Variants in HLF observed in about 807,000 individuals in gnomAD.
HLF encodes the protein HLF transcription factor, PAR bZIP family member.
A neutral mutation model predicts 22.6 loss-of-function variants in HLF; 3 were observed. The observed-to-expected ratio is 0.13, with a 90% CI of 0.06 to 0.34. The LOEUF is 0.34. HLF is among the 10% of genes least tolerant of loss of function. The pLI is 1.00. For missense variants in HLF, 299 were observed against 389.2 expected (o/e 0.77, Z 1.95); for synonymous variants, 151 against 151.8 (o/e 0.99, Z 0.04).
intron 1 of HLF, 51 bp from the exon 2 acceptor site, chr17:55,267,700 G>C: frequency 7.5e-7 from 1 of 1,327,206 alleles, no homozygotes; most frequent in Non-Finnish European, 1.0e-6. Context: ...GAGCGGTATT[G>C]TTTTTCTTTT....
chr17:55,265,843 T>C, intron 1 of HLF: 1 of 1,264,042 alleles, frequency 7.9e-7, no homozygotes, highest in South Asian at 2.5e-5. Context: ...CCGGCCTCCC[T>C]GGGTCCCGCT....
At chr17:55,302,205 T>C (rs967130974) in intron 2 of HLF, among the ~76,000 whole-genome samples, 3 of 152,136 alleles carry the variant, frequency 2.0e-5, no homozygotes, top group African/African-American at 7.2e-5. Flanking sequence ...ACATGTTGAT[T>C]TAGAAATGAC....
At chr17:55,295,465 C>T (rs536324440) in intron 2 of HLF, among the ~76,000 whole-genome samples, 103 of 152,310 alleles carry the variant, frequency 6.8e-4, no homozygotes, top group African/African-American at 2.4e-3. Context: ...GGGCTAACTC[C>T]CTCCTGCCCA....
intron 1 of HLF, 140 bp downstream of exon 1, chr17:55,265,739 TGAG>T (rs1294732955): frequency 5.2e-6 from 6 of 1,146,412 alleles, no homozygotes; most frequent in East Asian, 3.1e-5. Context: ...CTGATGAAAT[TGAG>T]GAGCTCACCC....
At chr17:55,293,628 G>A (rs1472464865) in intron 2 of HLF, among the ~76,000 whole-genome samples, 2 of 152,162 alleles carry the variant, frequency 1.3e-5, no homozygotes, top group Non-Finnish European at 1.5e-5. Flanking sequence ...TATTATTATT[G>A]TCGTTTTACA....
chr17:55,293,294 T>C (rs1026470001), intron 2 of HLF, among the ~76,000 whole-genome samples: 1 of 152,186 alleles, frequency 6.6e-6, no homozygotes, highest in Non-Finnish European at 1.5e-5. Flanking sequence ...TGAGGAGTTA[T>C]AGGGGATGCC....
At chr17:55,278,898 T>C (rs2080929364) in intron 2 of HLF, among the ~76,000 whole-genome samples, 1 of 152,190 alleles carries the variant, frequency 6.6e-6, no homozygotes, top group Non-Finnish European at 1.5e-5. Flanking sequence ...CCAAAGGCCA[T>C]TGAAAGATTT....
intron 1 of HLF, among the ~76,000 whole-genome samples, chr17:55,267,050 C>G (rs1181415094): frequency 6.6e-6 from 1 of 152,176 alleles, no homozygotes. Flanking sequence ...GCCCCAGTGG[C>G]TTTAGAAGCA....
intron 2 of HLF, among the ~76,000 whole-genome samples, chr17:55,313,282 T>G (rs1381175284): frequency 6.6e-6 from 1 of 152,088 alleles, no homozygotes; most frequent in Non-Finnish European, 1.5e-5. Flanking sequence ...GAAGTATGCA[T>G]CATGGTGAGG....
intron 2 of HLF, among the ~76,000 whole-genome samples, chr17:55,311,936 G>T (rs1408603035): frequency 6.6e-6 from 1 of 152,162 alleles, no homozygotes; most frequent in African/African-American, 2.4e-5. Context: ...TTGGTTTTCT[G>T]TGTTAATTCA....
In HLF at chr17:55,322,013, A is replaced by G. The variant is rs966890215; in HGVS notation, c.*1134A>G. 38 of 219,508 alleles carry G rather than the reference A, an allele frequency of 1.7e-4. No individual in the cohort carries two copies. Among genetic ancestry groups the G allele is most frequent in the Non-Finnish European group, 1.8e-5 (2 of 109,268 alleles). 13.6% of individuals were successfully genotyped at this position (219,508 alleles called of 1,614,324 possible). ...GAATTATACTTTGTTGTTTTTAAAA[A>G]GAAAATCAGTTGATTAAGTTAATAA... On this transcript the variant is annotated 3_prime_UTR_variant, in exon 4 of 4. Transcript: ENST00000226067.
intron 2 of HLF, among the ~76,000 whole-genome samples, chr17:55,299,623 C>T (rs2081139266): frequency 6.6e-6 from 1 of 152,216 alleles, no homozygotes; most frequent in South Asian, 2.1e-4. Context: ...GTCATCACCT[C>T]AGCATGCCTG....
At chr17:55,294,052 TA>T (rs11287227) in intron 2 of HLF, among the ~76,000 whole-genome samples, 106,334 of 152,046 alleles carry the variant, frequency 0.7, 38,348 homozygotes, top group African/African-American at 0.88. Context: ...TTCCTTCTGA[TA>T]ACGGTCTTAA....
At chr17:55,288,416 G>A (rs2081026230) in intron 2 of HLF, among the ~76,000 whole-genome samples, 1 of 152,078 alleles carries the variant, frequency 6.6e-6, no homozygotes, top group South Asian at 2.1e-4. Flanking sequence ...CCAAAGTGCT[G>A]GGATTGCAGG....
At chr17:55,280,128 T>C (rs1338209279) in intron 2 of HLF, among the ~76,000 whole-genome samples, 1 of 152,256 alleles carries the variant, frequency 6.6e-6, no homozygotes, top group Admixed American at 6.5e-5. Flanking sequence ...AGTTTTATTT[T>C]TATTCTACAA....
intron 2 of HLF, among the ~76,000 whole-genome samples, chr17:55,278,301 A>G (rs930789268): frequency 1.3e-5 from 2 of 152,230 alleles, no homozygotes; most frequent in Non-Finnish European, 2.9e-5. Context: ...AATTGCATAA[A>G]TGGATCAGCA....
At chr17:55,315,519 C>G in intron 3 of HLF, 72 bp downstream of exon 3, 1 of 1,131,030 alleles carries the variant, frequency 8.8e-7, no homozygotes. Context: ...AAAGGGTGAC[C>G]CCAGGATGAT....
At chr17:55,319,761 T>G (rs1008720261) in intron 3 of HLF, among the ~76,000 whole-genome samples, 1 of 152,128 alleles carries the variant, frequency 6.6e-6, no homozygotes, top group Non-Finnish European at 1.5e-5. Context: ...AAAGTGTATG[T>G]ATCTATTATA....
chr17:55,276,040 C>T (rs556120335), intron 2 of HLF, among the ~76,000 whole-genome samples: 93 of 152,186 alleles, frequency 6.1e-4, no homozygotes, highest in South Asian at 2.1e-4. Flanking sequence ...CCCAGGAGTT[C>T]GAGGCTGCAG....
Sources: allele counts gnomAD v4.1 joint callset (sites outside exome capture counted in the v4.1 genomes callset), GRCh38; gene constraint gnomAD v4.1.1; transcripts MANE v1.5; gene names NCBI Gene and HGNC (gene_info 2026-07-23, HGNC 2026-07-21).